Variants in GRAMD4 observed in about 807,000 individuals in gnomAD.
GRAMD4 encodes the protein GRAM domain-containing protein 4.
Under a neutral mutation model 83.9 loss-of-function variants are expected in GRAMD4, and 25 were observed. The ratio of observed to expected loss-of-function variants is 0.30; its 90% CI spans 0.22 to 0.42. The LOEUF (loss-of-function observed/expected upper bound fraction) is 0.42. GRAMD4 is among the 10% of genes least tolerant of loss of function. The pLI, the probability that GRAMD4 is intolerant of heterozygous loss-of-function variation, is 1.00. For synonymous variants in GRAMD4, 336 were observed against 320.9 expected, an observed-to-expected ratio of 1.05 and a Z score of -0.50; for missense variants, 593 against 788.7, an observed-to-expected ratio of 0.75 and a Z score of 2.97.
At chr22:46,682,480 C>A, downstream of GRAMD4, 1 of 976,564 alleles carries the variant, frequency 1.0e-6, no homozygotes, top group African/African-American at 1.7e-5. Context: ...TGAAGAAGCT[C>A]TCGAAGACCT....
chr22:46,606,751 C>T (rs1309089874), intron 1 of GRAMD4, among the ~76,000 whole-genome samples: 3 of 152,280 alleles, frequency 2.0e-5, no homozygotes, highest in South Asian at 2.1e-4. Context: ...AGCATCTCTG[C>T]GTGGACTTAT....
chr22:46,612,621 C>G (rs567492829), intron 1 of GRAMD4, among the ~76,000 whole-genome samples: 1 of 152,364 alleles, frequency 6.6e-6, no homozygotes, highest in South Asian at 2.1e-4. Flanking sequence ...TGAGCTCACA[C>G]GCGTGCTCAG....
intron 1 of GRAMD4, among the ~76,000 whole-genome samples, chr22:46,602,760 C>A (rs1283462899): frequency 1.9e-5 from 1 of 51,356 alleles, no homozygotes; most frequent in African/African-American, 5.8e-5. Flanking sequence ...GTCCATTTTT[C>A]TCTTTTTTTT....
chr22:46,643,730 C>T (rs572752082), intron 3 of GRAMD4, among the ~76,000 whole-genome samples: 6 of 152,226 alleles, frequency 3.9e-5, no homozygotes, highest in East Asian at 3.9e-4. Context: ...GGGTTTGTCC[C>T]GTTTCCTCAT....
rs1187987301 is a variant in GRAMD4 at position 46,678,226 on chromosome 22, G to T, written c.*975G>T. On this transcript the variant is annotated 3_prime_UTR_variant, in exon 19 of 19. Coordinates refer to ENST00000406902, the MANE Select transcript of GRAMD4 (RefSeq NM_015124.5). ...GGAGGAGTGTTCCGGGACCATGGTG[G>T]CCCAGGCTGCAGCCGCCTTTGGGCC... 1 of 985,146 alleles carries T rather than the reference G, an allele frequency of 1.0e-6. No individual in the cohort carries two copies. The highest frequency in any genetic ancestry group is 1.7e-5 in the African/African-American group (1 of 57,220). The allele number at this position is 985,146 out of a possible 1,614,324, so 61.0% of individuals were successfully genotyped here.
chr22:46,659,038 G>A lies in GRAMD4; in HGVS notation c.404+731G>A, dbSNP rs964416258. Reference sequence around the variant, plus strand: ...TACAAAGCCAGTGCCCTCCTGTCTCGCTAACACCACGAGGCTCCGTGTCCC... The same window carrying A: ...TACAAAGCCAGTGCCCTCCTGTCTCACTAACACCACGAGGCTCCGTGTCCC... On this transcript the variant is annotated intron_variant, in intron 4 of 18. Coordinates refer to ENST00000406902, the MANE Select transcript of GRAMD4 (RefSeq NM_015124.5). This position sits in a 1 kb window ranked among gnomAD's most constrained non-coding sequence, Gnocchi z 4.1. Among the ~76,000 whole-genome samples the A allele has an allele frequency of 4.6e-5, 7 of 152,136 alleles. No individual in the cohort carries two copies. The highest frequency in any genetic ancestry group is 1.7e-4 in the African/African-American group (7 of 41,422).
chr22:46,662,922 T>C, intron 5 of GRAMD4, 118 bp from the exon 6 acceptor site: 1 of 882,048 alleles, frequency 1.1e-6, no homozygotes, highest in Non-Finnish European at 1.7e-6. Context: ...GCATTCCTTG[T>C]GCCTCTGCTG....
chr22:46,677,476 C>G lies in GRAMD4; in HGVS notation c.*225C>G. On this transcript the variant is annotated 3_prime_UTR_variant, in exon 19 of 19. Coordinates refer to ENST00000406902, the MANE Select transcript of GRAMD4 (RefSeq NM_015124.5). The stretch of plus-strand genomic sequence containing the variant: ...CCTCTCCCACAGGGCACGTCAGGTG[C>G]CTCTGAGGGCCACCCGCAGACTGGG... 1 of 1,299,476 alleles carries G rather than the reference C, an allele frequency of 7.7e-7. No homozygotes were observed. The highest frequency in any genetic ancestry group is 9.8e-7 in the Non-Finnish European group (1 of 1,020,920). The allele number at this position is 1,299,476 out of a possible 1,614,324, so 80.5% of individuals were successfully genotyped here. A position where few individuals can be genotyped will look rare whatever the true frequency, so the allele number is the denominator to read the frequency against.
In GRAMD4 at chr22:46,620,830, G is replaced by A. The variant is rs1446814964; in HGVS notation, c.-50+265G>A. ...CTGAGAACCTGGCCTGGTCAGGAGG[G>A]CCGGCAAGAGGAGGAGCCTCCCAGG... On this transcript the variant is annotated intron_variant, in intron 1 of 18. Transcript: ENST00000406902. This position sits in a 1 kb window ranked among gnomAD's most constrained non-coding sequence, Gnocchi z 4.7. Among the ~76,000 whole-genome samples, 1 of 152,170 alleles carries A rather than the reference G, an allele frequency of 6.6e-6. No individual in the cohort carries two copies. The highest frequency in any genetic ancestry group is 1.5e-5 in the Non-Finnish European group (1 of 68,028).
chr22:46,603,399 C>T lies in GRAMD4; in HGVS notation c.-49-23352C>T, dbSNP rs567381400. Among the ~76,000 whole-genome samples, 91 of 149,486 alleles carry T rather than the reference C, an allele frequency of 6.1e-4. 1 individual carries two copies. In the East Asian group the frequency reaches 0.013, roughly 22 times the overall value. Reference sequence around the variant, plus strand: ...ATTTTTTTGGTATTTTTAGTAGAGACGCGGTTTCACCGTGTTAACCAGGGT... The same window carrying T: ...ATTTTTTTGGTATTTTTAGTAGAGATGCGGTTTCACCGTGTTAACCAGGGT... On this transcript the variant is annotated intron_variant, in intron 1 of 1. Coordinates refer to the GRAMD4 transcript ENST00000431155.
chr22:46,604,422 C>T (rs900587239), intron 1 of GRAMD4, among the ~76,000 whole-genome samples: 6 of 152,146 alleles, frequency 3.9e-5, no homozygotes, highest in African/African-American at 1.2e-4. Context: ...ACCGTCTTAA[C>T]CATTTCGGAG....
rs576501960 is a variant in GRAMD4 at position 46,633,958 on chromosome 22, C to T, written c.163-3882C>T. On this transcript the variant is annotated intron_variant, in intron 2 of 18. Coordinates refer to ENST00000406902, the MANE Select transcript of GRAMD4 (RefSeq NM_015124.5). ...CCCAGGCCAGGCCTCCATCATCCTA[C>T]GTGGACCACGTTACTCCTGGGCCAC... Among the ~76,000 whole-genome samples, 7 of 152,324 alleles carry T rather than the reference C, an allele frequency of 4.6e-5. No individual in the cohort carries two copies. In the East Asian group the frequency reaches 1.4e-3, roughly 29 times the overall value.
intron 3 of GRAMD4, among the ~76,000 whole-genome samples, chr22:46,644,780 C>T (rs71311627): frequency 0.09 from 12,908 of 143,604 alleles, 773 homozygotes; most frequent in African/African-American, 0.17. Flanking sequence ...TCACTGAGGC[C>T]GGAGTGCAGT....
chr22:46,622,016 C>G lies in GRAMD4; in HGVS notation c.-50+1451C>G, dbSNP rs2081583131. Among the ~76,000 whole-genome samples, 1 of 152,168 alleles carries G rather than the reference C, an allele frequency of 6.6e-6. No individual in the cohort carries two copies. Among genetic ancestry groups the G allele is most frequent in the South Asian group, 2.1e-4 (1 of 4,836 alleles). ...CGCTGTGAACCATCCAGCAGGATGA[C>G]CCTGGGTTTGGGGCTGAGCCGGTGG... On this transcript the variant is annotated intron_variant, in intron 1 of 18. Transcript: ENST00000406902. The surrounding 1 kb of genome is among the most constrained non-coding windows in gnomAD (Gnocchi z 4.0).
At chr22:46,657,104 G>A (rs1177664345) in intron 3 of GRAMD4, among the ~76,000 whole-genome samples, 1 of 152,260 alleles carries the variant, frequency 6.6e-6, no homozygotes, top group East Asian at 1.9e-4. Context: ...ACCTGCCTGA[G>A]CCTGTCAAGG....
chr22:46,663,092 G>A lies in GRAMD4; in HGVS notation c.519G>A (p.Arg173=), dbSNP rs1206435755. Residue 173 remains arginine (R), a synonymous_variant, in exon 6 of 19, where the codon CGG becomes CGA. Transcript: ENST00000406902. ...GCCTGCAGAAGTGGTTCTACGAGCG[G>A]TTTGGGGAGTACGTGGAGGACTTCC... ...SSRLQKWFYE[R]FGEYVEDFRF... is the part of the protein sequence containing the mutation. 39 of 1,612,186 alleles carry A rather than the reference G, an allele frequency of 2.4e-5. No individual in the cohort carries two copies. The highest frequency in any genetic ancestry group is 3.2e-5 in the Non-Finnish European group (38 of 1,179,456).
chr22:46,671,105 T>C (rs760143570), intron 13 of GRAMD4: 11 of 469,268 alleles, frequency 2.3e-5, no homozygotes, highest in South Asian at 1.6e-4. Context: ...CAAGCAAGGA[T>C]GGCCCCAGCT....
At chr22:46,593,181 A>G (rs1161966734) in intron 1 of GRAMD4, among the ~76,000 whole-genome samples, 1 of 152,062 alleles carries the variant, frequency 6.6e-6, no homozygotes, top group Non-Finnish European at 1.5e-5. Flanking sequence ...CCAGTAGCAG[A>G]AAGGTAAATT....
chr22:46,666,747 T>C, intron 9 of GRAMD4, 78 bp from the exon 10 acceptor site: 1 of 1,233,842 alleles, frequency 8.1e-7, no homozygotes, highest in Non-Finnish European at 1.2e-6. Flanking sequence ...CAGCTGGGCG[T>C]GCAGGGCCAG....
Sources: gnomAD v4.1 joint callset for allele counts (sites outside exome capture counted in the v4.1 genomes callset) on GRCh38, gnomAD v4.1.1 for gene constraint, Gnocchi (gnomAD v3.1) non-coding constraint, MANE v1.5 for transcripts, NCBI Gene and HGNC (gene_info 2026-07-23, HGNC 2026-07-21) for gene names.